The following SEC31A variants were observed in gnomAD, a reference collection of about 807,000 sequenced individuals.
The protein encoded by SEC31A is SEC31 homolog A, COPII component.
Under a neutral mutation model 151.0 loss-of-function variants are expected in SEC31A, and 70 were observed. The observed-to-expected ratio is 0.46, with a 90% CI of 0.38 to 0.57. SEC31A has a LOEUF of 0.57. Ranked by LOEUF, SEC31A falls within the 20% of genes least tolerant of loss-of-function variation. SEC31A has a pLI of 0.00. For synonymous variants in SEC31A, 475 were observed against 505.9 expected (o/e 0.94, Z 0.82); for missense variants, 1,330 against 1,471.2 (o/e 0.90, Z 1.57).
At chr4:82,826,541 CAG>C (rs1359451176) in intron 24 of SEC31A, among the ~76,000 whole-genome samples, 1 of 152,176 alleles carries the variant, frequency 6.6e-6, no homozygotes, top group African/African-American at 2.4e-5. Flanking sequence ...TTAGTAGAGA[CAG>C]GGTTTCACCA....
In SEC31A at chr4:82,842,392, C is replaced by T. The variant is rs778004299; in HGVS notation, c.2716G>A (p.Ala906Thr). The part of the protein sequence containing the change: ...QQPVAPPTSN[A>T]YPNTPYISSA... ...GATATGTAAGGGGTGTTAGGGTAAGCGTTTGAAGTAGGAGGAGCAACAGGC... is the reference window on the plus strand; with the variant it reads ...GATATGTAAGGGGTGTTAGGGTAAGTGTTTGAAGTAGGAGGAGCAACAGGC... The change falls in exon 22 of 27, where the codon GCT (alanine) becomes ACT (threonine). Residue 906 changes from alanine to threonine, a missense_variant. Ala to Thr is a moderately conservative substitution (Grantham distance 58). Transcript: ENST00000395310. The T allele has an allele frequency of 1.8e-5, 29 of 1,613,734 alleles. No individual in the cohort carries two copies. The South Asian group carries it at 2.9e-4, about 16-fold the overall frequency.
chr4:82,867,096 T>G, intron 9 of SEC31A, 59 bp downstream of exon 9: 1 of 1,559,228 alleles, frequency 6.4e-7, no homozygotes, highest in East Asian at 2.2e-5. Flanking sequence ...TTTCAAAATA[T>G]TACACAACAC....
intron 1 of SEC31A, 78 bp downstream of exon 1, chr4:82,891,010 C>A: frequency 2.0e-6 from 3 of 1,523,034 alleles, no homozygotes; most frequent in South Asian, 2.4e-5. Context: ...ACCCAGGCTG[C>A]GGTCCCAGTT....
chr4:82,845,661 G>C (rs148896026), intron 20 of SEC31A, among the ~76,000 whole-genome samples: 9 of 141,576 alleles, frequency 6.4e-5, no homozygotes, highest in African/African-American at 2.3e-4. Context: ...AAGTAATTGA[G>C]TAAAAAAGTG....
intron 22 of SEC31A, 114 bp from the exon 23 acceptor site, chr4:82,829,172 C>A: frequency 1.2e-6 from 1 of 817,748 alleles, no homozygotes; most frequent in Non-Finnish European, 2.0e-6. Flanking sequence ...ATAACTGTCA[C>A]AAAGGTTTTA....
chr4:82,819,408 C>T lies in SEC31A; in HGVS notation c.3484-155G>A, dbSNP rs114528578. Among the ~76,000 whole-genome samples the T allele has an allele frequency of 1.0e-2, 1,516 of 152,180 alleles. 30 individuals are homozygous for T. Among genetic ancestry groups the T allele is most frequent in the African/African-American group, 0.035 (1,456 of 41,520 alleles). ...TAGCATTTCTAGAAAGTTTCTTGAA[C>T]CAAGCAACAGTTATCAAGTACAACC... is the stretch of plus-strand genomic sequence containing the variant. On this transcript the variant is annotated intron_variant, in intron 26 of 26. Coordinates refer to ENST00000395310, the MANE Select transcript of SEC31A (RefSeq NM_001077207.4).
In SEC31A at chr4:82,855,000, C is replaced by G; in HGVS notation, c.1911G>C (p.Trp637Cys). ...RLITAVVMKN[W>C]KEIVESCDLK... ...GATCACAAGACTCAACAATCTCTTTCCAGTTCTTCATCACCACTGCAGTGA... is the reference window on the plus strand; with the variant it reads ...GATCACAAGACTCAACAATCTCTTTGCAGTTCTTCATCACCACTGCAGTGA... Residue 637 changes from tryptophan (W) to cysteine (C), a missense_variant, in exon 17 of 27, where the codon TGG (tryptophan) becomes TGC (cysteine). By Grantham distance (215) the Trp-to-Cys change is radical. Coordinates refer to ENST00000395310, the MANE Select transcript of SEC31A (RefSeq NM_001077207.4). 1 of 1,613,484 alleles carries G rather than the reference C, an allele frequency of 6.2e-7. No homozygotes were observed. The highest frequency in any genetic ancestry group is 2.2e-5 in the East Asian group (1 of 44,788).
Position 82,827,614 on chromosome 4 carries a change from G to A in SEC31A, c.3046C>T (p.Pro1016Ser). ...KKKKMPENFMPPVPITSPIMN... is the reference protein window; with the variant it reads ...KKKKMPENFMSPVPITSPIMN... ...ATTGGTGATGTGATGGGAACAGGAG[G>A]CATGAAGTTTTCAGGCATCTGTTAA... The change falls in exon 24 of 27, where the codon CCT becomes TCT. Residue 1016 changes from proline (P) to serine (S), a missense_variant. Coordinates refer to ENST00000395310, the MANE Select transcript of SEC31A (RefSeq NM_001077207.4). 2 of 1,613,660 alleles carry A rather than the reference G, an allele frequency of 1.2e-6. No homozygotes were observed. Among genetic ancestry groups the A allele is most frequent in the Non-Finnish European group, 1.7e-6 (2 of 1,179,626 alleles).
intron 22 of SEC31A, among the ~76,000 whole-genome samples, chr4:82,837,199 A>ATATATGCATAT (rs56888042): frequency 1.2e-5 from 1 of 83,132 alleles, no homozygotes; most frequent in Non-Finnish European, 2.4e-5. Flanking sequence ...ATATATATAT[A>ATATATGCATAT]ATTTCACCAC....
At chr4:82,896,908 A>G (rs1358589322) in intron 3 of SEC31A, among the ~76,000 whole-genome samples, 1 of 152,140 alleles carries the variant, frequency 6.6e-6, no homozygotes, top group African/African-American at 2.4e-5. Context: ...ACATTTTACT[A>G]AATACTTGCT....
intron 22 of SEC31A, among the ~76,000 whole-genome samples, chr4:82,838,989 A>AT (rs1285180196): frequency 1.3e-5 from 2 of 152,198 alleles, no homozygotes; most frequent in East Asian, 3.9e-4. Context: ...TATAATTATT[A>AT]TTTTTTGAGA....
At chr4:82,866,233 G>A (rs1408260809) in intron 10 of SEC31A, among the ~76,000 whole-genome samples, 2 of 152,116 alleles carry the variant, frequency 1.3e-5, no homozygotes, top group East Asian at 3.9e-4. Context: ...CACTTTGGGA[G>A]GCCGAAGCGG....
chr4:82,882,718 T>C (rs1003426388), intron 1 of SEC31A, among the ~76,000 whole-genome samples: 3 of 152,144 alleles, frequency 2.0e-5, no homozygotes, highest in African/African-American at 4.8e-5. Flanking sequence ...AGAGAGAATA[T>C]AGTAAGCCCA....
At chr4:82,872,434 C>G (rs906972619) in intron 6 of SEC31A, among the ~76,000 whole-genome samples, 1 of 152,142 alleles carries the variant, frequency 6.6e-6, no homozygotes, top group Non-Finnish European at 1.5e-5. Flanking sequence ...AATGATCCAC[C>G]CACCTCGGCC....
chr4:82,880,320 TTCC>T (rs1321054044), intron 3 of SEC31A, among the ~76,000 whole-genome samples: 1 of 152,232 alleles, frequency 6.6e-6, no homozygotes, highest in Non-Finnish European at 1.5e-5. Context: ...CCAAGCGTGA[TTCC>T]TCATGCCTAT....
chr4:82,847,392 T>C (rs1730471272), intron 20 of SEC31A, among the ~76,000 whole-genome samples: 1 of 152,274 alleles, frequency 6.6e-6, no homozygotes, highest in Middle Eastern at 3.2e-3. Flanking sequence ...ATTCACTTTG[T>C]CTTTTCCTAC....
chr4:82,860,381 A>G (rs1291796213), intron 14 of SEC31A, among the ~76,000 whole-genome samples: 1 of 152,218 alleles, frequency 6.6e-6, no homozygotes, highest in Non-Finnish European at 1.5e-5. Flanking sequence ...TTCCCAAATG[A>G]TCTTCTATTT....
chr4:82,844,246 C>T, intron 21 of SEC31A, 140 bp downstream of exon 21: 1 of 870,750 alleles, frequency 1.1e-6, no homozygotes, highest in Non-Finnish European at 1.7e-6. Flanking sequence ...AAACATGTCT[C>T]TTTGTAGCAG....
intron 24 of SEC31A, among the ~76,000 whole-genome samples, chr4:82,826,384 C>T (rs1263944033): frequency 1.3e-5 from 2 of 152,166 alleles, no homozygotes; most frequent in Admixed American, 6.5e-5. Context: ...GACGGAGTCT[C>T]GCTCTGTCGT....
Sources: gnomAD v4.1 joint callset for allele counts (sites outside exome capture counted in the v4.1 genomes callset) on GRCh38, gnomAD v4.1.1 for gene constraint, MANE v1.5 for transcripts, NCBI Gene and HGNC (gene_info 2026-07-23, HGNC 2026-07-21) for gene names.